ABR: variants seen among roughly 807,000 people sequenced by gnomAD.
ABR encodes the protein ABR activator of RhoGEF and GTPase, also known as active breakpoint cluster region-related protein.
In ABR, 35 loss-of-function variants were observed where a neutral mutation model predicts 107.2. That is an observed-to-expected ratio of 0.33 (90% confidence interval 0.25 to 0.43). The LOEUF (loss-of-function observed/expected upper bound fraction) is 0.43, where lower values mean the gene tolerates loss of function less well. ABR is among the 20% of genes least tolerant of loss of function. ABR has a pLI of 1.00. For missense variants in ABR, 815 were observed against 1,115.2 expected (o/e 0.73, Z 3.83); for synonymous variants, 498 against 462.0 (o/e 1.08, Z -1.00).
rs527477293 is a variant in ABR, at chr17:1,049,325, G to T, written c.1791+725C>A. ...TGGGATTACAGGCGCCCGCCACCAC[G>T]ACCTGCTAATTTTTGTATTTTTAGT... is the stretch of plus-strand genomic sequence containing the variant. On this transcript the variant is annotated intron_variant, in intron 16 of 22. Coordinates refer to ENST00000302538, the MANE Select transcript of ABR (RefSeq NM_021962.5). Among the ~76,000 whole-genome samples the T allele has an allele frequency of 4.1e-4, 62 of 152,024 alleles. 1 individual carries two copies. The South Asian group carries it at 0.013, about 31-fold the overall frequency.
chr17:1,062,095 TGA>T (rs2034019908), intron 10 of ABR, among the ~76,000 whole-genome samples: 1 of 152,192 alleles, frequency 6.6e-6, no homozygotes. Flanking sequence ...AAGCTGAACC[TGA>T]GAGGTGAGGA....
At position 1,012,508 on chromosome 17, in the gene ABR, G is replaced by A. The variant is rs548775671; in HGVS notation, c.1961+180C>T. The A allele has an allele frequency of 3.8e-5, 27 of 702,468 alleles. 1 individual carries two copies. In the South Asian group the frequency reaches 4.0e-4, roughly 11 times the overall value. The allele number at this position is 702,468 out of a possible 1,614,324, so 43.5% of individuals were successfully genotyped here. Reference sequence around the variant, plus strand: ...TTTAGGTGCTGGCTCGCGTGCTTCTGAAGTGTCCTGTGAGCGCCTCTGCGG... The same window carrying A: ...TTTAGGTGCTGGCTCGCGTGCTTCTAAAGTGTCCTGTGAGCGCCTCTGCGG... On this transcript the variant is annotated intron_variant, in intron 18 of 22. Transcript: ENST00000302538.
Position 1,005,699 on chromosome 17 carries a change from T to C in ABR, c.*381A>G, listed in dbSNP as rs978534784. On this transcript the variant is annotated 3_prime_UTR_variant, in exon 23 of 23. Transcript: ENST00000302538. Reference sequence around the variant, plus strand: ...GTTACACAGCGCAAAATAAAAGGCCTTGGGCTGGACTCAGGCGGAAAGAAA... The same window carrying C: ...GTTACACAGCGCAAAATAAAAGGCCCTGGGCTGGACTCAGGCGGAAAGAAA... 7.2e-6 allele frequency: 2 copies of C among 278,360 alleles called. No homozygotes were observed. Among genetic ancestry groups the C allele is most frequent in the Admixed American group, 4.9e-5 (1 of 20,208 alleles). 17.2% of individuals were successfully genotyped at this position (278,360 alleles called of 1,614,324 possible). A position where few individuals can be genotyped will look rare whatever the true frequency, so the allele number is the denominator to read the frequency against.
Position 1,051,212 on chromosome 17 carries a change from G to A in ABR, c.1562-578C>T, listed in dbSNP as rs916831255. On this transcript the variant is annotated intron_variant, in intron 14 of 22. Coordinates refer to ENST00000302538, the MANE Select transcript of ABR (RefSeq NM_021962.5). This position sits in a 1 kb window ranked among gnomAD's most constrained non-coding sequence, Gnocchi z 4.3. ...CCAGGGTGCTGTGGTTTCCTCCGCT[G>A]CACTTAACATAAACCAAAGGGATCT... 6.6e-6 allele frequency among the ~76,000 whole-genome samples: 1 copy of A among 152,116 alleles called. No homozygotes were observed. The highest frequency in any genetic ancestry group is 2.4e-5 in the African/African-American group (1 of 41,416).
At chr17:1,129,275 C>T (rs1054846143) in intron 1 of ABR, among the ~76,000 whole-genome samples, 2 of 152,196 alleles carry the variant, frequency 1.3e-5, no homozygotes, top group African/African-American at 2.4e-5. Context: ...CAGGGGCTCA[C>T]GCCTGTAATC....
intron 1 of ABR, among the ~76,000 whole-genome samples, chr17:1,201,573 C>A (rs1184512974): frequency 6.6e-6 from 1 of 152,154 alleles, no homozygotes; most frequent in African/African-American, 2.4e-5. Context: ...ATGACGGCAA[C>A]CCCGATATTG....
At chr17:1,190,652 A>G (rs1245908979), upstream of ABR, among the ~76,000 whole-genome samples, 1 of 151,952 alleles carries the variant, frequency 6.6e-6, no homozygotes, top group East Asian at 1.9e-4. Flanking sequence ...AAAAACACAC[A>G]CAAAAAAACT....
At chr17:1,096,659 CAGG>C (rs1387144333) in intron 3 of ABR, among the ~76,000 whole-genome samples, 1 of 152,052 alleles carries the variant, frequency 6.6e-6, no homozygotes, top group Non-Finnish European at 1.5e-5. Context: ...AGCAGGGGCC[CAGG>C]AGGAGAGAGC....
intron 1 of ABR, chr17:1,228,746 T>C (rs926320726): frequency 8.1e-6 from 1 of 124,068 alleles, no homozygotes; most frequent in Admixed American, 7.8e-5. Context: ...CAGCCCGGGG[T>C]GGGGGGCGCG....
At chr17:1,191,900 C>T (rs2042445413), upstream of ABR, among the ~76,000 whole-genome samples, 2 of 152,208 alleles carry the variant, frequency 1.3e-5, no homozygotes, top group African/African-American at 4.8e-5. Flanking sequence ...CTTTCTCCAA[C>T]AGGAGGGAAA....
At position 1,143,062 on chromosome 17, in the gene ABR, G is replaced by A. The variant is rs565907910; in HGVS notation, c.62-17695C>T. 1.2e-3 allele frequency among the ~76,000 whole-genome samples: 126 copies of A among 108,560 alleles called. 1 individual carries two copies. Among genetic ancestry groups the A allele is most frequent in the African/African-American group, 4.7e-3 (124 of 26,150 alleles). The allele number at this position is 108,560 out of a possible 152,430, so 71.2% of individuals were successfully genotyped here. On this transcript the variant is annotated intron_variant, in intron 1 of 22. Coordinates refer to ENST00000302538, the MANE Select transcript of ABR (RefSeq NM_021962.5). Reference sequence around the variant, plus strand: ...ATTCCTGGGGGGCAGCTCGCTCCTGGGGGGCAGCTCGCTCCTGGGGGACAG... The same window carrying A: ...ATTCCTGGGGGGCAGCTCGCTCCTGAGGGGCAGCTCGCTCCTGGGGGACAG...
At chr17:1,149,722 C>T (rs555249647) in intron 1 of ABR, among the ~76,000 whole-genome samples, 68 of 152,238 alleles carry the variant, frequency 4.5e-4, no homozygotes, top group Non-Finnish European at 7.1e-4. Flanking sequence ...CGGCCCAGAG[C>T]TCATTTCTGT....
chr17:1,111,437 A>G (rs889765387), intron 2 of ABR, among the ~76,000 whole-genome samples: 1 of 151,966 alleles, frequency 6.6e-6, no homozygotes, highest in Admixed American at 6.6e-5. Flanking sequence ...ACCAGTCCCC[A>G]CAGCTTCCCT....
At chr17:1,024,049 A>AAAAAAAAAG (rs2071963289) in intron 16 of ABR, among the ~76,000 whole-genome samples, 1 of 140,536 alleles carries the variant, frequency 7.1e-6, no homozygotes, top group African/African-American at 2.7e-5. Flanking sequence ...AAAAAAAAAA[A>AAAAAAAAAG]GCAGCATCAA....
At position 1,196,521 on chromosome 17, in the gene ABR, C is replaced by CTACA. The variant is rs1242869653; in HGVS notation, c.838+32268_838+32271dup. On this transcript the variant is annotated intron_variant, in intron 1 of 22. Coordinates refer to the ABR transcript ENST00000574139. ...CATAGGACAAAACTGGGTATTAACT[C>CTACA]TACATCCTGCCTCACCCACCCCCTC... Among the ~76,000 whole-genome samples, 12 of 152,212 alleles carry CTACA rather than the reference C, an allele frequency of 7.9e-5. No homozygotes were observed. In the East Asian group the frequency reaches 2.3e-3, roughly 29 times the overall value.
chr17:1,208,971 A>G (rs1374983433), intron 1 of ABR, among the ~76,000 whole-genome samples: 1 of 151,784 alleles, frequency 6.6e-6, no homozygotes, highest in Non-Finnish European at 1.5e-5. Context: ...TCTTGTACAT[A>G]CATGTATGTA....
chr17:1,010,816 T>C lies in ABR; in HGVS notation c.2149A>G (p.Ile717Val). The C allele has an allele frequency of 6.2e-7, 1 of 1,613,922 alleles. No homozygotes were observed. Among genetic ancestry groups the C allele is most frequent in the Non-Finnish European group, 8.5e-7 (1 of 1,180,016 alleles). ...AAGTACAGCTTGAGCGTCCCGGCGATGGCGTTGATGTCCATGTCACTCAGC... is the reference window on the plus strand; with the variant it reads ...AAGTACAGCTTGAGCGTCCCGGCGACGGCGTTGATGTCCATGTCACTCAGC... ...LMLSDMDINA[I>V]AGTLKLYFRE... Residue 717 changes from isoleucine to valine, a missense_variant, in exon 20 of 23, where the codon ATC (isoleucine) becomes GTC (valine). Transcript: ENST00000302538. This position sits in a 1 kb window ranked among gnomAD's most constrained non-coding sequence, Gnocchi z 4.1.
At chr17:1,206,476 T>G (rs2042790184) in intron 1 of ABR, among the ~76,000 whole-genome samples, 2 of 152,184 alleles carry the variant, frequency 1.3e-5, no homozygotes, top group South Asian at 4.1e-4. Context: ...CTTGCAGCCT[T>G]GGACTCCAGG....
chr17:1,051,529 C>T lies in ABR; in HGVS notation c.1562-895G>A, dbSNP rs748008620. Among the ~76,000 whole-genome samples the T allele has an allele frequency of 8.5e-5, 13 of 152,182 alleles. No homozygotes were observed. The highest frequency in any genetic ancestry group is 1.9e-4 in the East Asian group (1 of 5,196). On this transcript the variant is annotated intron_variant, in intron 14 of 22. Coordinates refer to ENST00000302538, the MANE Select transcript of ABR (RefSeq NM_021962.5). The surrounding 1 kb of genome is among the most constrained non-coding windows in gnomAD (Gnocchi z 4.3). Reference sequence around the variant, plus strand: ...GACCCAACTGCTGAGGCCACAGCACCGGCACGGACCCCAGGCCCTCTGCAA... The same window carrying T: ...GACCCAACTGCTGAGGCCACAGCACTGGCACGGACCCCAGGCCCTCTGCAA...
Sources: allele counts gnomAD v4.1 joint callset (sites outside exome capture counted in the v4.1 genomes callset), GRCh38; gene constraint gnomAD v4.1.1; non-coding constraint Gnocchi (gnomAD v3.1); transcripts MANE v1.5; gene names NCBI Gene and HGNC (gene_info 2026-07-23, HGNC 2026-07-21).